Variants in MYO5B observed in about 807,000 individuals in gnomAD.
MYO5B encodes myosin VB.
MYO5B carries 143 observed loss-of-function variants against 229.3 expected under a neutral mutation model. The observed-to-expected ratio is 0.62, with a 90% CI of 0.54 to 0.72. The LOEUF (loss-of-function observed/expected upper bound fraction) is 0.72, where lower values mean the gene tolerates loss of function less well. Ranked by LOEUF, MYO5B falls within the 30% of genes least tolerant of loss-of-function variation. The pLI is 0.00. For synonymous variants in MYO5B, 918 were observed against 885.2 expected, an observed-to-expected ratio of 1.04 and a Z score of -0.66; for missense variants, 2,321 against 2,331.0, an observed-to-expected ratio of 1.00 and a Z score of 0.09.
chr18:49,935,629 G>A (rs1016330347), intron 16 of MYO5B, among the ~76,000 whole-genome samples: 1 of 152,190 alleles, frequency 6.6e-6, no homozygotes, highest in African/African-American at 2.4e-5. Context: ...ACACTTGTCT[G>A]GAATTTAGTA....
intron 19 of MYO5B, 33 bp from the exon 20 acceptor site, chr18:49,904,861 G>A (rs372714110): frequency 5.3e-5 from 85 of 1,610,538 alleles, no homozygotes; most frequent in Non-Finnish European, 6.6e-5. Context: ...CAGTGTCAGG[G>A]AGAGAGTATT....
At chr18:50,080,445 T>C (rs1362810677) in intron 1 of MYO5B, among the ~76,000 whole-genome samples, 4 of 152,190 alleles carry the variant, frequency 2.6e-5, no homozygotes, top group Non-Finnish European at 5.9e-5. Flanking sequence ...ATCCTTTCAA[T>C]GCTCTTGACA....
At chr18:50,126,499 C>G (rs766622946) in intron 1 of MYO5B, 2 of 154,862 alleles carry the variant, frequency 1.3e-5, no homozygotes, top group Admixed American at 6.5e-5. Context: ...GCTGTCAGGG[C>G]AAAGTTGCCA....
At chr18:49,878,099 C>A (rs1486892601) in intron 24 of MYO5B, among the ~76,000 whole-genome samples, 1 of 152,078 alleles carries the variant, frequency 6.6e-6, no homozygotes, top group Non-Finnish European at 1.5e-5. Flanking sequence ...CTTAATGAAA[C>A]GCAAATTCCT....
At chr18:49,966,546 AT>A (rs2025628393) in intron 10 of MYO5B, among the ~76,000 whole-genome samples, 1 of 152,204 alleles carries the variant, frequency 6.6e-6, no homozygotes, top group Non-Finnish European at 1.5e-5. Flanking sequence ...CCCAGAGGAA[AT>A]TGAATTAATA....
intron 1 of MYO5B, among the ~76,000 whole-genome samples, chr18:50,112,796 T>C (rs1209108098): frequency 2.6e-5 from 4 of 152,172 alleles, no homozygotes; most frequent in Non-Finnish European, 5.9e-5. Context: ...TTTGTGAAAA[T>C]GAACCAATTT....
Position 49,904,679 on chromosome 18 carries a change from T to C in MYO5B, c.2564A>G (p.Tyr855Cys), listed in dbSNP as rs1462681824. ...CTCAGAGTGGCTACTCACCTGGCGG[T>C]AGGTTCTCCGCACAAACATGGCCCG... is the stretch of plus-strand genomic sequence containing the variant. Reference protein sequence around the residue: ...FTRAMFVRRTYRQVLMEHKAT... With the variant: ...FTRAMFVRRTCRQVLMEHKAT... Residue 855 changes from tyrosine to cysteine, a missense_variant, in exon 20 of 40, where the codon TAC (tyrosine) becomes TGC (cysteine). Around this residue, in one of 2 missense-constraint regions of MYO5B, gnomAD observed 2,113 missense variants for 2,044.7 expected, o/e 1.03. Coordinates refer to ENST00000285039, the MANE Select transcript of MYO5B (RefSeq NM_001080467.3). The C allele has an allele frequency of 1.2e-6, 2 of 1,613,656 alleles. No homozygotes were observed. The highest frequency in any genetic ancestry group is 4.5e-5 in the East Asian group (2 of 44,882).
At chr18:49,832,327 T>C (rs2023932341) in intron 39 of MYO5B, among the ~76,000 whole-genome samples, 1 of 152,202 alleles carries the variant, frequency 6.6e-6, no homozygotes, top group African/African-American at 2.4e-5. Flanking sequence ...CTGTATTTGC[T>C]GTTATCAGTT....
At chr18:49,868,662 A>G (rs779239693) in intron 27 of MYO5B, among the ~76,000 whole-genome samples, 6 of 152,258 alleles carry the variant, frequency 3.9e-5, no homozygotes, top group Admixed American at 6.5e-5. Flanking sequence ...CTTCCCCTAG[A>G]GCCACCCTTC....
intron 33 of MYO5B, among the ~76,000 whole-genome samples, chr18:49,844,750 A>G (rs891680894): frequency 6.6e-6 from 1 of 152,270 alleles, no homozygotes; most frequent in African/African-American, 2.4e-5. Context: ...CTTCCAATCC[A>G]TAACTTCTTA....
intron 1 of MYO5B, among the ~76,000 whole-genome samples, chr18:50,090,008 CCTCT>C (rs1239282519): frequency 1.3e-5 from 2 of 152,194 alleles, no homozygotes; most frequent in Non-Finnish European, 2.9e-5. Context: ...CCTCCTTCAG[CCTCT>C]CTCTATATAT....
chr18:49,847,450 C>G (rs1306307987), intron 32 of MYO5B, among the ~76,000 whole-genome samples, 161 bp from the exon 33 acceptor site: 1 of 152,166 alleles, frequency 6.6e-6, no homozygotes, highest in Non-Finnish European at 1.5e-5. Context: ...ACTGGGTTCT[C>G]CAAACTTCCA....
chr18:49,906,190 G>A (rs945586671), intron 19 of MYO5B, among the ~76,000 whole-genome samples: 1 of 152,190 alleles, frequency 6.6e-6, no homozygotes, highest in African/African-American at 2.4e-5. Context: ...GTAGGATGGA[G>A]GGAGCCTGGG....
intron 33 of MYO5B, among the ~76,000 whole-genome samples, chr18:49,846,338 A>C (rs1209169433): frequency 2.0e-5 from 3 of 152,112 alleles, no homozygotes; most frequent in Non-Finnish European, 4.4e-5. Flanking sequence ...ACCCCTTCCC[A>C]GGGGTGATAC....
At chr18:50,061,237 G>A (rs1401901091) in intron 1 of MYO5B, among the ~76,000 whole-genome samples, 1 of 152,170 alleles carries the variant, frequency 6.6e-6, no homozygotes, top group Non-Finnish European at 1.5e-5. Context: ...GTAAGTTGAT[G>A]AATGGGTCTG....
At chr18:50,145,134 TG>T (rs112138722) in intron 1 of MYO5B, among the ~76,000 whole-genome samples, 89 of 152,082 alleles carry the variant, frequency 5.9e-4, no homozygotes, top group African/African-American at 2.0e-3. Flanking sequence ...CCCACCAAAA[TG>T]GAAAAATTAG....
At chr18:50,173,823 T>TAC (rs959791779) in intron 1 of MYO5B, among the ~76,000 whole-genome samples, 6 of 152,210 alleles carry the variant, frequency 3.9e-5, no homozygotes, top group African/African-American at 1.4e-4. Context: ...AGAAAAGGCA[T>TAC]ACACTTTCAG....
At chr18:50,027,019 T>C (rs1427177520) in intron 4 of MYO5B, among the ~76,000 whole-genome samples, 1 of 152,126 alleles carries the variant, frequency 6.6e-6, no homozygotes, top group Admixed American at 6.5e-5. Flanking sequence ...CTCAGGCCCA[T>C]TGTCAGACTA....
chr18:49,996,876 T>C (rs1459047784), intron 5 of MYO5B, among the ~76,000 whole-genome samples: 2 of 152,228 alleles, frequency 1.3e-5, no homozygotes, highest in African/African-American at 4.8e-5. Flanking sequence ...GTGGCTAAAG[T>C]ATGTTGATAC....
Sources: gnomAD v4.1 joint callset for allele counts (sites outside exome capture counted in the v4.1 genomes callset) on GRCh38, gnomAD v4.1.1 for gene constraint, gnomAD v4.1.1 regional missense constraint, MANE v1.5 for transcripts, NCBI Gene and HGNC (gene_info 2026-07-23, HGNC 2026-07-21) for gene names.